ADAMTSL1: variants seen among roughly 807,000 people sequenced by gnomAD.
ADAMTSL1 encodes ADAMTS-like protein 1.
A neutral mutation model predicts 201.8 loss-of-function variants in ADAMTSL1; 126 were observed. That is an observed-to-expected ratio of 0.62 (90% CI 0.54 to 0.72). The LOEUF (loss-of-function observed/expected upper bound fraction) is 0.72. Ranked by LOEUF, ADAMTSL1 falls within the 30% of genes least tolerant of loss-of-function variation. ADAMTSL1 has a pLI of 0.00. For missense variants in ADAMTSL1, 2,679 were observed against 2,277.8 expected, an observed-to-expected ratio of 1.18 and a Z score of -3.59; for synonymous variants, 1,121 against 903.4, an observed-to-expected ratio of 1.24 and a Z score of -4.32.
chr9:18,706,938 A>G lies in ADAMTSL1; in HGVS notation c.1766A>G (p.Glu589Gly), dbSNP rs780828649. Reference sequence around the variant, plus strand: ...GGCCCATGCAGCGGGGAAATTCCTGAGTTCAACCCAGACGAGACAGATGGG... The same window carrying G: ...GGCCCATGCAGCGGGGAAATTCCTGGGTTCAACCCAGACGAGACAGATGGG... ...YAGPCSGEIP[E>G]FNPDETDGLF... Residue 589 changes from glutamate to glycine, a missense_variant, in exon 14 of 29, where the codon GAG (glutamate) becomes GGG (glycine). By Grantham distance (98) the Glu-to-Gly change is moderately conservative. Transcript: ENST00000380548. The G allele has an allele frequency of 6.2e-7, 1 of 1,613,980 alleles. No homozygotes were observed. Among genetic ancestry groups the G allele is most frequent in the Non-Finnish European group, 8.5e-7 (1 of 1,179,896 alleles).
intron 2 of ADAMTSL1, among the ~76,000 whole-genome samples, chr9:18,257,705 G>A (rs868277142): frequency 2.6e-5 from 4 of 152,218 alleles, no homozygotes; most frequent in Middle Eastern, 3.4e-3. Flanking sequence ...AGAACCGAAA[G>A]CACACACCCA....
intron 1 of ADAMTSL1, among the ~76,000 whole-genome samples, chr9:17,977,526 T>C (rs1442241125): frequency 6.6e-6 from 1 of 152,100 alleles, no homozygotes; most frequent in Non-Finnish European, 1.5e-5. Flanking sequence ...TCTTGGTTGG[T>C]TCTATGTTTC....
intron 3 of ADAMTSL1, among the ~76,000 whole-genome samples, chr9:18,546,410 C>G (rs922586286): frequency 2.0e-5 from 3 of 152,136 alleles, no homozygotes; most frequent in Non-Finnish European, 4.4e-5. Flanking sequence ...CTCCTGGACT[C>G]AAGTGATCTT....
chr9:17,947,662 T>A (rs1221963948), intron 1 of ADAMTSL1, among the ~76,000 whole-genome samples: 1 of 152,074 alleles, frequency 6.6e-6, no homozygotes, highest in Non-Finnish European at 1.5e-5. Flanking sequence ...AGCAAGCAAA[T>A]GATTATTGGC....
chr9:18,055,478 C>G (rs992242038), intron 1 of ADAMTSL1, among the ~76,000 whole-genome samples: 3 of 152,180 alleles, frequency 2.0e-5, no homozygotes, highest in Non-Finnish European at 4.4e-5. Flanking sequence ...TCTAAAAACC[C>G]TTCTATAAAC....
intron 13 of ADAMTSL1, among the ~76,000 whole-genome samples, chr9:18,698,914 T>A (rs962764308): frequency 2.0e-5 from 3 of 152,148 alleles, no homozygotes; most frequent in Non-Finnish European, 4.4e-5. Context: ...CCTCCGTTAG[T>A]AAGACTCCTT....
At chr9:18,250,449 GTGGTTGCCC>G (rs1379025072) in intron 2 of ADAMTSL1, among the ~76,000 whole-genome samples, 1 of 152,214 alleles carries the variant, frequency 6.6e-6, no homozygotes, top group African/African-American at 2.4e-5. Context: ...AGTAGGGGAT[GTGGTTGCCC>G]TGGTTCCTGG....
intron 23 of ADAMTSL1, among the ~76,000 whole-genome samples, chr9:18,886,185 T>TATACAC (rs1554657875): frequency 7.9e-6 from 1 of 127,070 alleles, no homozygotes; most frequent in East Asian, 2.3e-4. Context: ...TATATATATA[T>TATACAC]ATATATATAT....
intron 7 of ADAMTSL1, among the ~76,000 whole-genome samples, chr9:18,646,373 C>A (rs1435972349): frequency 6.6e-6 from 1 of 151,998 alleles, no homozygotes. Context: ...TAATTGAATA[C>A]CCTTTATTTC....
chr9:18,857,113 A>T (rs1427736814), intron 23 of ADAMTSL1, among the ~76,000 whole-genome samples: 4 of 152,020 alleles, frequency 2.6e-5, no homozygotes, highest in Non-Finnish European at 5.9e-5. Flanking sequence ...ACGTGGTTTG[A>T]GACTTGGTTT....
intron 1 of ADAMTSL1, among the ~76,000 whole-genome samples, chr9:18,000,224 G>C (rs1819556704): frequency 1.3e-5 from 2 of 151,468 alleles, no homozygotes; most frequent in Admixed American, 1.3e-4. Context: ...CCCACCAACA[G>C]TGTAAAAGTG....
chr9:18,192,470 A>T (rs1043798598), intron 2 of ADAMTSL1, among the ~76,000 whole-genome samples: 1 of 152,122 alleles, frequency 6.6e-6, no homozygotes, highest in Non-Finnish European at 1.5e-5. Flanking sequence ...TCGTCCTACC[A>T]TATGTGTCTA....
chr9:18,289,135 G>GTCTGTCTA (rs550482613), intron 2 of ADAMTSL1, among the ~76,000 whole-genome samples: 25 of 145,306 alleles, frequency 1.7e-4, no homozygotes, highest in African/African-American at 5.1e-4. Context: ...ATATATGTCT[G>GTCTGTCTA]TCTATCTATC....
At chr9:18,253,448 A>G (rs1241143275) in intron 2 of ADAMTSL1, among the ~76,000 whole-genome samples, 1 of 152,244 alleles carries the variant, frequency 6.6e-6, no homozygotes, top group Admixed American at 6.5e-5. Context: ...TATCAAAGAT[A>G]GTGTAAAAAA....
intron 13 of ADAMTSL1, among the ~76,000 whole-genome samples, chr9:18,706,242 G>A (rs502981): frequency 0.8 from 121,935 of 152,120 alleles, 49,497 homozygotes; most frequent in Admixed American, 0.87. Flanking sequence ...GTAAACTGTC[G>A]TGGCACTGGT....
chr9:18,784,444 A>C (rs1233302303), intron 19 of ADAMTSL1, among the ~76,000 whole-genome samples: 1 of 152,220 alleles, frequency 6.6e-6, no homozygotes, highest in Non-Finnish European at 1.5e-5. Flanking sequence ...AGGTTTTCTT[A>C]TTGTGAGGAG....
In ADAMTSL1 at chr9:18,119,546, GC is replaced by G. The variant is rs200453307; in HGVS notation, c.88-44313del. 7.0e-3 allele frequency among the ~76,000 whole-genome samples: 1,058 copies of G among 152,054 alleles called. 11 individuals carry two copies. Among genetic ancestry groups the G allele is most frequent in the South Asian group, 0.041 (195 of 4,812 alleles). On this transcript the variant is annotated intron_variant, in intron 1 of 29. Coordinates refer to the ADAMTSL1 transcript ENST00000680146. The stretch of plus-strand genomic sequence containing the variant: ...TCAAACTCCTGACCTCAGGTGATCC[GC>G]CCAGCTTGGCCTCCCAAAGTGCTGG...
chr9:18,039,012 ACTAACCCAGAGC>A (rs1167712154), intron 1 of ADAMTSL1, among the ~76,000 whole-genome samples: 1 of 152,228 alleles, frequency 6.6e-6, no homozygotes, highest in Non-Finnish European at 1.5e-5. Flanking sequence ...TAAAGAAAGC[ACTAACCCAGAGC>A]CTAACCCAGA....
At chr9:18,695,985 A>G (rs1304205425) in intron 13 of ADAMTSL1, among the ~76,000 whole-genome samples, 1 of 152,192 alleles carries the variant, frequency 6.6e-6, no homozygotes, top group African/African-American at 2.4e-5. Flanking sequence ...AAGCAGGCAC[A>G]TCTTACATGG....
Sources: allele counts gnomAD v4.1 joint callset (sites outside exome capture counted in the v4.1 genomes callset), GRCh38; gene constraint gnomAD v4.1.1; transcripts MANE v1.5; gene names NCBI Gene and HGNC (gene_info 2026-07-23, HGNC 2026-07-21).